The following MCUB variants were observed in gnomAD, a reference collection of about 807,000 sequenced individuals.
MCUB encodes mitochondrial calcium uniporter dominant negative subunit beta, also known as calcium uniporter regulatory subunit MCUb, mitochondrial.
A neutral mutation model predicts 41.4 loss-of-function variants in MCUB; 46 were observed. The observed-to-expected ratio is 1.11, with a 90% CI of 0.88 to 1.42. The LOEUF is 1.42. Among genes scored for constraint, MCUB ranks in the 40% most tolerant of loss-of-function variants. MCUB has a pLI of 0.00. For missense variants in MCUB, 403 were observed against 404.9 expected (o/e 1.00, Z 0.04); for synonymous variants, 148 against 148.2 (o/e 1.00, Z 0.01).
chr4:109,577,888 G>T lies in MCUB; in HGVS notation c.99+17452G>T, dbSNP rs1285362966. On this transcript the variant is annotated intron_variant, in intron 1 of 7. Coordinates refer to ENST00000394650, the MANE Select transcript of MCUB (RefSeq NM_017918.5). ...GCCTCCCAAAGTGCTGGGATTACAG[G>T]TGTGAGCCACCGCGCCCGGCCGGGT... is the stretch of plus-strand genomic sequence containing the variant. Among the ~76,000 whole-genome samples the T allele has an allele frequency of 1.4e-4, 4 of 28,628 alleles. 2 individuals are homozygous for T. Among genetic ancestry groups the T allele is most frequent in the Non-Finnish European group, 3.3e-4 (4 of 12,060 alleles). 18.8% of individuals were successfully genotyped at this position (28,628 alleles called of 152,430 possible).
chr4:109,571,082 A>G (rs578189177), intron 1 of MCUB, among the ~76,000 whole-genome samples: 1 of 152,206 alleles, frequency 6.6e-6, no homozygotes, highest in Non-Finnish European at 1.5e-5. Context: ...AGGAACATTC[A>G]AGGCAGTGCA....
At chr4:109,669,984 C>A (rs1043192683) in intron 4 of MCUB, among the ~76,000 whole-genome samples, 7 of 152,158 alleles carry the variant, frequency 4.6e-5, no homozygotes, top group African/African-American at 7.2e-5. Context: ...AGTTGCTAGT[C>A]CGATAATTCC....
chr4:109,652,531 C>G (rs1038034116), intron 1 of MCUB, among the ~76,000 whole-genome samples: 4 of 152,178 alleles, frequency 2.6e-5, no homozygotes, highest in Admixed American at 1.3e-4. Context: ...GAGGTCGCAT[C>G]TGGTCAGGTT....
At chr4:109,566,481 A>T (rs1287062976) in intron 1 of MCUB, among the ~76,000 whole-genome samples, 1 of 149,118 alleles carries the variant, frequency 6.7e-6, no homozygotes, top group Non-Finnish European at 1.5e-5. Context: ...AAAAAAAAAA[A>T]ATAAATAAAT....
chr4:109,619,185 G>A (rs995021421), intron 1 of MCUB, among the ~76,000 whole-genome samples: 1 of 152,076 alleles, frequency 6.6e-6, no homozygotes, highest in Non-Finnish European at 1.5e-5. Flanking sequence ...TCCTGCCTCA[G>A]CCTCCTCAGC....
chr4:109,601,260 A>G (rs1727726683), intron 1 of MCUB, among the ~76,000 whole-genome samples: 1 of 152,182 alleles, frequency 6.6e-6, no homozygotes, highest in Non-Finnish European at 1.5e-5. Context: ...TCTTTGTGTT[A>G]TAAACAACCC....
intron 1 of MCUB, among the ~76,000 whole-genome samples, chr4:109,600,791 T>C (rs542501105): frequency 1.3e-5 from 2 of 152,094 alleles, no homozygotes; most frequent in Non-Finnish European, 1.5e-5. Flanking sequence ...ATTTTTATTA[T>C]ATATATATAT....
chr4:109,631,758 G>A (rs902548993), intron 1 of MCUB, among the ~76,000 whole-genome samples: 2 of 152,100 alleles, frequency 1.3e-5, no homozygotes, highest in South Asian at 2.1e-4. Context: ...ACAGTAGATC[G>A]GTACTGTCCT....
intron 3 of MCUB, among the ~76,000 whole-genome samples, chr4:109,661,417 T>C (rs1729229156): frequency 6.6e-6 from 1 of 152,170 alleles, no homozygotes; most frequent in Non-Finnish European, 1.5e-5. Context: ...AAGTTCCAAA[T>C]TAATTAAAAG....
chr4:109,603,600 G>T (rs1248891053), intron 1 of MCUB, among the ~76,000 whole-genome samples: 4 of 151,626 alleles, frequency 2.6e-5, no homozygotes, highest in Non-Finnish European at 5.9e-5. Flanking sequence ...CCGCCACCCT[G>T]TCTGGGAGGT....
At chr4:109,588,670 A>T (rs1459876563) in intron 1 of MCUB, among the ~76,000 whole-genome samples, 2 of 152,160 alleles carry the variant, frequency 1.3e-5, no homozygotes, top group Non-Finnish European at 1.5e-5. Context: ...TATCAGCAAA[A>T]ATTTCTCTCC....
intron 1 of MCUB, among the ~76,000 whole-genome samples, chr4:109,596,668 G>T (rs71603037): frequency 0.23 from 35,614 of 151,688 alleles, 4,404 homozygotes; most frequent in Middle Eastern, 0.29. Context: ...TTGACTCGGT[G>T]CCTCACAAAG....
intron 1 of MCUB, among the ~76,000 whole-genome samples, chr4:109,635,898 T>C (rs1728579137): frequency 2.8e-5 from 4 of 143,718 alleles, no homozygotes; most frequent in African/African-American, 1.2e-4. Context: ...AATGCAGCTC[T>C]AAACTTTGTT....
intron 1 of MCUB, among the ~76,000 whole-genome samples, chr4:109,577,251 T>C (rs1355817450): frequency 1.3e-5 from 2 of 152,246 alleles, no homozygotes; most frequent in Admixed American, 1.3e-4. Context: ...TCAGGTGCTT[T>C]ATTCAATCAT....
intron 1 of MCUB, among the ~76,000 whole-genome samples, chr4:109,606,570 A>G (rs182201502): frequency 2.8e-4 from 42 of 152,062 alleles, no homozygotes; most frequent in African/African-American, 1.0e-3. Context: ...TGCAAATACT[A>G]TCTTATAACC....
chr4:109,675,055 G>A (rs750237873), intron 4 of MCUB, among the ~76,000 whole-genome samples: 13 of 152,136 alleles, frequency 8.5e-5, no homozygotes, highest in Non-Finnish European at 1.3e-4. Flanking sequence ...TGATAACATG[G>A]TATATGTATT....
At chr4:109,624,224 T>C (rs1387930669) in intron 1 of MCUB, among the ~76,000 whole-genome samples, 2 of 152,158 alleles carry the variant, frequency 1.3e-5, no homozygotes, top group African/African-American at 4.8e-5. Context: ...TGCATTCTTA[T>C]GGAAAGTTAT....
intron 1 of MCUB, among the ~76,000 whole-genome samples, chr4:109,603,935 T>C (rs372832249): frequency 9.9e-5 from 15 of 152,124 alleles, no homozygotes; most frequent in Admixed American, 7.9e-4. Context: ...GCGGTTTTGT[T>C]GAATAGAAAA....
chr4:109,682,516 G>T (rs915963259), intron 4 of MCUB, 66 bp from the exon 5 acceptor site: 6 of 1,357,930 alleles, frequency 4.4e-6, no homozygotes, highest in Middle Eastern at 3.7e-4. Flanking sequence ...ATTGGGGACC[G>T]AAAGATTTAC....
Sources: gnomAD v4.1 joint callset for allele counts (sites outside exome capture counted in the v4.1 genomes callset) on GRCh38, gnomAD v4.1.1 for gene constraint, MANE v1.5 for transcripts, NCBI Gene and HGNC (gene_info 2026-07-23, HGNC 2026-07-21) for gene names.